EFCC1: variants seen among roughly 807,000 people sequenced by gnomAD.
EFCC1 encodes EF-hand and coiled-coil domain-containing protein 1.
In EFCC1, 50 loss-of-function variants were observed where a neutral mutation model predicts 52.1. The observed-to-expected ratio is 0.96, with a 90% CI of 0.76 to 1.21. The LOEUF is 1.21. Among genes scored for constraint, EFCC1 ranks in the 50% most tolerant of loss-of-function variants. The probability of loss-of-function intolerance (pLI) is 0.00; values close to 1 mark genes in which losing one functional copy is unlikely to be tolerated. For synonymous variants in EFCC1, 399 were observed against 396.5 expected (o/e 1.01, Z -0.08); for missense variants, 837 against 867.3 (o/e 0.97, Z 0.44).
At chr3:129,017,236 G>A (rs771191537) in intron 2 of EFCC1, among the ~76,000 whole-genome samples, 1 of 152,224 alleles carries the variant, frequency 6.6e-6, no homozygotes, top group Non-Finnish European at 1.5e-5. Flanking sequence ...GATTGGCTCA[G>A]GCCAGTCAAG....
At chr3:129,002,627 A>G in intron 1 of EFCC1, 1 of 444,018 alleles carries the variant, frequency 2.3e-6, no homozygotes, top group Non-Finnish European at 3.9e-6. Context: ...TTAACCTAGG[A>G]ATTGCACCTG....
chr3:129,018,985 C>G (rs1427499035), intron 2 of EFCC1, among the ~76,000 whole-genome samples: 1 of 152,210 alleles, frequency 6.6e-6, no homozygotes, highest in Non-Finnish European at 1.5e-5. Context: ...CCTCCAACTG[C>G]CTGCCACTCC....
At chr3:129,035,336 G>C (rs1946341502) in intron 5 of EFCC1, among the ~76,000 whole-genome samples, 1 of 152,232 alleles carries the variant, frequency 6.6e-6, no homozygotes, top group African/African-American at 2.4e-5. Flanking sequence ...CAGTTTGAGA[G>C]AGGTCAAATG....
Position 129,001,682 on chromosome 3 carries a change from C to G in EFCC1, c.54C>G (p.Asp18Glu), listed in dbSNP as rs747342896. ...CCGGCATGGAGGGCGCGGGAGGTGACCCGTACCGGCGACCTGCGCGGCGCA... is the reference window on the plus strand; with the variant it reads ...CCGGCATGGAGGGCGCGGGAGGTGAGCCGTACCGGCGACCTGCGCGGCGCA... ...AEAGMEGAGG[D>E]PYRRPARRTQ... Residue 18 changes from aspartate to glutamate, a missense_variant, in exon 1 of 8, where the codon GAC (aspartate) becomes GAG (glutamate). By Grantham distance (45) the Asp-to-Glu change is conservative. Coordinates refer to ENST00000683648, the MANE Select transcript of EFCC1 (RefSeq NM_001377500.1). 6.8e-7 allele frequency: 1 copy of G among 1,479,062 alleles called. No individual in the cohort carries two copies. The highest frequency in any genetic ancestry group is 1.3e-5 in the South Asian group (1 of 75,866). The allele number at this position is 1,479,062 out of a possible 1,614,324, so 91.6% of individuals were successfully genotyped here. A position where few individuals can be genotyped will look rare whatever the true frequency, so the allele number is the denominator to read the frequency against.
intron 2 of EFCC1, among the ~76,000 whole-genome samples, chr3:129,024,594 G>A (rs1372167299): frequency 2.0e-5 from 3 of 152,146 alleles, no homozygotes; most frequent in African/African-American, 7.2e-5. Context: ...CTGGAGGCTG[G>A]GAAGTAAAGG....
intron 2 of EFCC1, among the ~76,000 whole-genome samples, chr3:129,021,110 C>T (rs969060105): frequency 8.5e-5 from 13 of 152,122 alleles, no homozygotes; most frequent in African/African-American, 3.1e-4. Flanking sequence ...GGGGCCCTGC[C>T]AGGGAAACAA....
In EFCC1 at chr3:129,003,795, TCGGACTCTGGAAGAG is replaced by T. The variant is rs1215847371; in HGVS notation, c.700_714del (p.Gly234_Ser238del). 1.4e-6 allele frequency: 2 copies of T among 1,451,630 alleles called. No individual in the cohort carries two copies. The highest frequency in any genetic ancestry group is 3.0e-5 in the African/African-American group (2 of 67,116). 89.9% of individuals were successfully genotyped at this position (1,451,630 alleles called of 1,614,324 possible). A position where few individuals can be genotyped will look rare whatever the true frequency, so the allele number is the denominator to read the frequency against. On this transcript the variant is annotated inframe_deletion and splice_region_variant, in exon 2 of 8. Transcript: ENST00000683648. ...GCCCCTGCTGCCCTGTCCCCGCAGG[TCGGACTCTGGAAGAG>T]CCAGGCGAGCACCCACGAGATGGGG... is the stretch of plus-strand genomic sequence containing the variant.
chr3:129,002,136 A>G lies in EFCC1; in HGVS notation c.508A>G (p.Ile170Val), dbSNP rs889340325. Reference sequence around the variant, plus strand: ...GCCCCGCGGCGCTCTCAGCGAGCACATCGAGACGCAGATCCGCCTGCGCCG... The same window carrying G: ...GCCCCGCGGCGCTCTCAGCGAGCACGTCGAGACGCAGATCCGCCTGCGCCG... ...RLPRGALSEHIETQIRLRRPR... is the reference protein window; with the variant it reads ...RLPRGALSEHVETQIRLRRPR... Residue 170 changes from isoleucine (I) to valine (V), a missense_variant, in exon 1 of 8, where the codon ATC (isoleucine) becomes GTC (valine). By Grantham distance (29) the Ile-to-Val change is conservative. Transcript: ENST00000683648. 2.0e-6 allele frequency: 3 copies of G among 1,474,344 alleles called. No individual in the cohort carries two copies. Among genetic ancestry groups the G allele is most frequent in the Non-Finnish European group, 2.7e-6 (3 of 1,121,104 alleles). The allele number at this position is 1,474,344 out of a possible 1,614,324, so 91.3% of individuals were successfully genotyped here. A position where few individuals can be genotyped will look rare whatever the true frequency, so the allele number is the denominator to read the frequency against.
intron 4 of EFCC1, 83 bp from the exon 5 acceptor site, chr3:129,034,081 C>T (rs1946323499): frequency 4.5e-6 from 7 of 1,559,530 alleles, no homozygotes; most frequent in Non-Finnish European, 6.1e-6. Context: ...GCCAACTCCA[C>T]ACCACCACCA....
chr3:129,031,505 G>A (rs1283494119), intron 3 of EFCC1, among the ~76,000 whole-genome samples: 2 of 152,172 alleles, frequency 1.3e-5, no homozygotes, highest in Non-Finnish European at 2.9e-5. Flanking sequence ...TGATTCTCTG[G>A]GGTGGTGGGG....
chr3:129,037,808 C>T (rs915731979), intron 6 of EFCC1, among the ~76,000 whole-genome samples: 34 of 151,906 alleles, frequency 2.2e-4, no homozygotes, highest in African/African-American at 8.0e-4. Context: ...TGCCTGTAAT[C>T]CCAGCACTTT....
Position 129,037,031 on chromosome 3 carries a change from A to AT in EFCC1, c.1508dup (p.Met503IlefsTer137). On this transcript the variant is annotated frameshift_variant, in exon 6 of 8. Transcript: ENST00000683648. LOFTEE classifies it high-confidence loss of function. The stretch of plus-strand genomic sequence containing the variant: ...TGAGCACCTGAGGCTGGAGCTGCAG[A>AT]TGGTAGAGACCGAGAGGGTGCGGCT... 6.2e-7 allele frequency: 1 copy of AT among 1,613,938 alleles called. No homozygotes were observed. Among genetic ancestry groups the AT allele is most frequent in the East Asian group, 2.2e-5 (1 of 44,882 alleles).
chr3:129,004,453 G>A (rs1944977499), intron 2 of EFCC1, among the ~76,000 whole-genome samples: 1 of 116,798 alleles, frequency 8.6e-6, no homozygotes, highest in Admixed American at 9.2e-5. Context: ...CTACCCACCC[G>A]TCCATCCATC....
intron 2 of EFCC1, among the ~76,000 whole-genome samples, chr3:129,028,572 T>G (rs1946196811): frequency 6.6e-6 from 1 of 152,190 alleles, no homozygotes; most frequent in Non-Finnish European, 1.5e-5. Context: ...AGTTTTCTTT[T>G]TGCAGCTTTA....
At chr3:129,013,706 C>G (rs538730199) in intron 2 of EFCC1, among the ~76,000 whole-genome samples, 1 of 152,360 alleles carries the variant, frequency 6.6e-6, no homozygotes, top group East Asian at 1.9e-4. Context: ...TGTGAGTACT[C>G]TGGACCAATC....
At chr3:129,020,544 G>A (rs1945791273) in intron 2 of EFCC1, among the ~76,000 whole-genome samples, 1 of 152,176 alleles carries the variant, frequency 6.6e-6, no homozygotes, top group Non-Finnish European at 1.5e-5. Context: ...GGCTGAGGTG[G>A]GAGGATCACT....
Position 129,040,144 on chromosome 3 carries a change from C to T in EFCC1, c.*296C>T. On this transcript the variant is annotated 3_prime_UTR_variant, in exon 8 of 8. Coordinates refer to ENST00000683648, the MANE Select transcript of EFCC1 (RefSeq NM_001377500.1). The surrounding 1 kb of genome is among the most constrained non-coding windows in gnomAD (Gnocchi z 4.4). ...AGCCTGCACCTGATGCTGTATCTTTCCCCTGCCCTCAGGGCAGAGATGCCC... is the reference window on the plus strand; with the variant it reads ...AGCCTGCACCTGATGCTGTATCTTTTCCCTGCCCTCAGGGCAGAGATGCCC... 1 of 358,518 alleles carries T rather than the reference C, an allele frequency of 2.8e-6. No homozygotes were observed. The highest frequency in any genetic ancestry group is 5.0e-6 in the Non-Finnish European group (1 of 199,838). The allele number at this position is 358,518 out of a possible 1,614,324, so 22.2% of individuals were successfully genotyped here. A position where few individuals can be genotyped will look rare whatever the true frequency, so the allele number is the denominator to read the frequency against.
In EFCC1 at chr3:129,027,620, G is replaced by A. The variant is rs1263449511; in HGVS notation, c.981-3083G>A. 2.6e-5 allele frequency among the ~76,000 whole-genome samples: 4 copies of A among 152,186 alleles called. 1 individual carries two copies. The highest frequency in any genetic ancestry group is 5.9e-5 in the Non-Finnish European group (4 of 68,036). On this transcript the variant is annotated intron_variant, in intron 2 of 7. Transcript: ENST00000683648. ...GGTCTTTGTGTTCCAATAATATTTG[G>A]TCATAGGAAGTCCACTCAGCGAGTC...
chr3:129,023,234 T>C lies in EFCC1; in HGVS notation c.981-7469T>C, dbSNP rs147292211. On this transcript the variant is annotated intron_variant, in intron 2 of 7. Transcript: ENST00000683648. ...ATATGCTTCTAAATTAGAGTTTGAT[T>C]TCTTCACATACTAAGTTCGGCTTCA... Among the ~76,000 whole-genome samples the C allele has an allele frequency of 3.7e-3, 558 of 152,274 alleles. 4 individuals carry two copies. Among genetic ancestry groups the C allele is most frequent in the Admixed American group, 5.4e-3 (82 of 15,306 alleles).
Sources: allele counts gnomAD v4.1 joint callset (sites outside exome capture counted in the v4.1 genomes callset), GRCh38; gene constraint gnomAD v4.1.1; non-coding constraint Gnocchi (gnomAD v3.1); transcripts MANE v1.5; gene names NCBI Gene and HGNC (gene_info 2026-07-23, HGNC 2026-07-21).